The following EXT1 variants were observed in gnomAD, a reference collection of about 807,000 sequenced individuals.
The protein encoded by EXT1 is exostosin glycosyltransferase 1, also known as exostosin-1.
EXT1 carries 20 observed loss-of-function variants against 82.5 expected under a neutral mutation model. The observed-to-expected ratio is 0.24, with a 90% CI of 0.17 to 0.35. The LOEUF (loss-of-function observed/expected upper bound fraction) is 0.35. Among genes scored for constraint, EXT1 ranks in the 10% least tolerant of loss-of-function variants. The pLI, the probability that EXT1 is intolerant of heterozygous loss-of-function variation, is 1.00. For synonymous variants in EXT1, 348 were observed against 350.8 expected (o/e 0.99, Z 0.09); for missense variants, 757 against 936.5 (o/e 0.81, Z 2.50).
At chr8:117,823,107 T>C (rs1811952836) in intron 4 of EXT1, among the ~76,000 whole-genome samples, 1 of 152,190 alleles carries the variant, frequency 6.6e-6, no homozygotes, top group African/African-American at 2.4e-5. Context: ...ATGTGTATAC[T>C]TGTCATATTT....
At chr8:117,926,673 A>G (rs1161638128) in intron 1 of EXT1, among the ~76,000 whole-genome samples, 1 of 152,226 alleles carries the variant, frequency 6.6e-6, no homozygotes, top group African/African-American at 2.4e-5. Context: ...GAAGCCACAT[A>G]GCGGATGACA....
At chr8:118,022,482 C>T (rs1409835060) in intron 1 of EXT1, among the ~76,000 whole-genome samples, 1 of 150,452 alleles carries the variant, frequency 6.6e-6, no homozygotes, top group South Asian at 2.1e-4. Context: ...GGATTATAGG[C>T]GCATGCCACC....
intron 1 of EXT1, among the ~76,000 whole-genome samples, chr8:118,076,846 TAGAA>T (rs1817221398): frequency 6.6e-6 from 1 of 152,220 alleles, no homozygotes; most frequent in Non-Finnish European, 1.5e-5. Flanking sequence ...TTCATATAGA[TAGAA>T]AATCAAGAAT....
chr8:117,837,657 GA>G (rs1180885477), intron 1 of EXT1, among the ~76,000 whole-genome samples: 2 of 152,024 alleles, frequency 1.3e-5, no homozygotes, highest in African/African-American at 4.8e-5. Context: ...AAACTATTCA[GA>G]AAACCTCAAT....
chr8:117,985,871 A>G (rs1384106486), intron 1 of EXT1, among the ~76,000 whole-genome samples: 1 of 152,210 alleles, frequency 6.6e-6, no homozygotes, highest in Non-Finnish European at 1.5e-5. Context: ...TGACTCACAA[A>G]TCACTTTTCT....
chr8:117,944,987 C>A (rs1814358766), intron 1 of EXT1, among the ~76,000 whole-genome samples: 1 of 151,930 alleles, frequency 6.6e-6, no homozygotes, highest in African/African-American at 2.4e-5. Flanking sequence ...ACGGTGAAAC[C>A]CCGTCTCTAC....
intron 1 of EXT1, among the ~76,000 whole-genome samples, chr8:117,972,019 G>A (rs985525995): frequency 3.9e-5 from 6 of 151,928 alleles, no homozygotes; most frequent in South Asian, 2.1e-4. Flanking sequence ...GCGTGGTGGC[G>A]CATGCCTCTA....
At chr8:117,998,015 C>CTTT (rs11324491) in intron 1 of EXT1, among the ~76,000 whole-genome samples, 8 of 125,660 alleles carry the variant, frequency 6.4e-5, no homozygotes, top group African/African-American at 2.4e-4. Flanking sequence ...TTTTATTTTA[C>CTTT]TTTTTTTTTT....
At chr8:117,991,422 G>A (rs548743052) in intron 1 of EXT1, among the ~76,000 whole-genome samples, 89 of 152,200 alleles carry the variant, frequency 5.8e-4, no homozygotes, top group African/African-American at 9.9e-4. Context: ...GGTGGTTCTC[G>A]TGTCCAGCCT....
At chr8:117,960,505 A>G (rs1814678360) in intron 1 of EXT1, among the ~76,000 whole-genome samples, 1 of 152,232 alleles carries the variant, frequency 6.6e-6, no homozygotes, top group Non-Finnish European at 1.5e-5. Context: ...GAGGAACTCA[A>G]CTGAGATTGG....
intron 1 of EXT1, among the ~76,000 whole-genome samples, chr8:117,867,427 G>T (rs1014486666): frequency 1.3e-5 from 2 of 152,048 alleles, no homozygotes; most frequent in Non-Finnish European, 2.9e-5. Flanking sequence ...TTCCATTTTT[G>T]GCTATTCCAT....
intron 4 of EXT1, among the ~76,000 whole-genome samples, chr8:117,827,091 C>T (rs961778021): frequency 6.6e-6 from 1 of 152,138 alleles, no homozygotes; most frequent in Non-Finnish European, 1.5e-5. Context: ...GTAAGACTGA[C>T]AAGAGCACAG....
intron 1 of EXT1, among the ~76,000 whole-genome samples, chr8:117,866,429 T>C (rs1221462271): frequency 6.6e-6 from 1 of 152,170 alleles, no homozygotes; most frequent in Non-Finnish European, 1.5e-5. Flanking sequence ...AAACGTGCTG[T>C]AATGAGCTAC....
chr8:118,085,479 GTTT>G (rs58866328), intron 1 of EXT1, among the ~76,000 whole-genome samples: 27,242 of 126,612 alleles, frequency 0.22, 2,605 homozygotes, highest in Admixed American at 0.29. Flanking sequence ...GGCTGTTTTT[GTTT>G]TTTTTTTTTT....
rs1396348352 is a variant in EXT1, at chr8:118,073,627, AGAGAAAGAAGAGAAGAGAAG to A, written c.962+36438_962+36457del. Among the ~76,000 whole-genome samples the A allele has an allele frequency of 7.6e-3, 1,055 of 138,102 alleles. 20 individuals carry two copies. The highest frequency in any genetic ancestry group is 0.031 in the African/African-American group (1,010 of 32,524). 90.6% of individuals were successfully genotyped at this position (138,102 alleles called of 152,430 possible). A position where few individuals can be genotyped will look rare whatever the true frequency, so the allele number is the denominator to read the frequency against. On this transcript the variant is annotated intron_variant, in intron 1 of 10. Coordinates refer to ENST00000378204, the MANE Select transcript of EXT1 (RefSeq NM_000127.3). The stretch of plus-strand genomic sequence containing the variant: ...AGAGAGAGGAAAGGAAGAGAAGAGA[AGAGAAAGAAGAGAAGAGAAG>A]AGAAGAGAAGAGAAGAGAAGAGAAG...
chr8:117,839,272 T>C (rs1417236529), intron 1 of EXT1, among the ~76,000 whole-genome samples: 3 of 152,202 alleles, frequency 2.0e-5, no homozygotes, highest in Non-Finnish European at 4.4e-5. Flanking sequence ...TGTTTCCTCA[T>C]CTGCAAAATG....
chr8:117,840,661 T>C (rs1208062952), intron 1 of EXT1, among the ~76,000 whole-genome samples: 6 of 151,102 alleles, frequency 4.0e-5, no homozygotes, highest in Admixed American at 1.3e-4. Context: ...GCCAATCATA[T>C]ATGATAAGGG....
intron 1 of EXT1, among the ~76,000 whole-genome samples, chr8:118,097,178 G>A (rs551396996): frequency 3.9e-5 from 6 of 152,284 alleles, no homozygotes; most frequent in African/African-American, 1.4e-4. Flanking sequence ...GGGTGCAGCG[G>A]CTCACGCCTG....
chr8:117,962,198 A>AGTGG (rs1439709275), intron 1 of EXT1, among the ~76,000 whole-genome samples: 6 of 152,222 alleles, frequency 3.9e-5, no homozygotes, highest in African/African-American at 1.4e-4. Context: ...CAGACTACCC[A>AGTGG]GTGGCTATAG....
Sources: allele counts gnomAD v4.1 joint callset (sites outside exome capture counted in the v4.1 genomes callset), GRCh38; gene constraint gnomAD v4.1.1; transcripts MANE v1.5; gene names NCBI Gene and HGNC (gene_info 2026-07-23, HGNC 2026-07-21).